TEX9: variants seen among roughly 807,000 people sequenced by gnomAD.
TEX9 encodes testis-expressed protein 9.
TEX9 carries 74 observed loss-of-function variants against 59.6 expected under a neutral mutation model. That is an observed-to-expected ratio of 1.24 (90% confidence interval 1.03 to 1.51). The LOEUF is 1.51. Ranked by LOEUF, TEX9 falls within the 40% of genes most tolerant of loss-of-function variation. The pLI, the probability that TEX9 is intolerant of heterozygous loss-of-function variation, is 0.00. For synonymous variants in TEX9, 186 were observed against 152.2 expected (o/e 1.22, Z -1.64); for missense variants, 522 against 447.8 (o/e 1.17, Z -1.49).
intron 12 of TEX9, among the ~76,000 whole-genome samples, chr15:56,435,206 T>C (rs1382027001): frequency 6.6e-6 from 1 of 151,956 alleles, no homozygotes; most frequent in Non-Finnish European, 1.5e-5. Flanking sequence ...TATATAGCAC[T>C]AAATGCATGT....
chr15:56,359,958 G>T (rs1312000688), intron 1 of TEX9, among the ~76,000 whole-genome samples: 5 of 152,116 alleles, frequency 3.3e-5, no homozygotes, highest in African/African-American at 1.2e-4. Context: ...GTTGGATTTT[G>T]TCAAATGCTT....
chr15:56,415,867 A>G (rs758248582), intron 10 of TEX9, among the ~76,000 whole-genome samples: 8 of 151,788 alleles, frequency 5.3e-5, no homozygotes, highest in South Asian at 2.1e-4. Flanking sequence ...ATCAGTGAGC[A>G]TGGGATGTTT....
downstream of TEX9, among the ~76,000 whole-genome samples, chr15:56,448,751 CTTTTTTTT>C (rs34366643): frequency 3.7e-4 from 43 of 117,662 alleles, no homozygotes; most frequent in African/African-American, 1.2e-3. Context: ...TTTTTAGATT[CTTTTTTTT>C]TTTTTTTTTT....
At chr15:56,373,063 C>T (rs2047262335) in intron 2 of TEX9, among the ~76,000 whole-genome samples, 2 of 152,110 alleles carry the variant, frequency 1.3e-5, no homozygotes, top group South Asian at 4.1e-4. Flanking sequence ...CACATTAGAG[C>T]AGGGCCTGTC....
In TEX9 at chr15:56,435,557, A is replaced by C. The variant is rs561739160; in HGVS notation, c.*29+7084A>C. Among the ~76,000 whole-genome samples the C allele has an allele frequency of 2.6e-5, 4 of 152,144 alleles. No homozygotes were observed. The South Asian group carries it at 8.3e-4, about 32-fold the overall frequency. ...TACTACAAATTATTATACACACATA[A>C]ATTTGGCAACTTAGATGAAATGGAT... On this transcript the variant is annotated intron_variant, in intron 12 of 12. Transcript: ENST00000352903.
chr15:56,458,582 C>G, the TEX9 span, among the ~76,000 whole-genome samples: 4 of 146,866 alleles, frequency 2.7e-5, no homozygotes, highest in Non-Finnish European at 4.5e-5. Flanking sequence ...TTTCACTACC[C>G]TAAAAATCCT....
chr15:56,309,933 T>C (rs1473066504), intron 1 of TEX9, among the ~76,000 whole-genome samples: 1 of 151,800 alleles, frequency 6.6e-6, no homozygotes, highest in Non-Finnish European at 1.5e-5. Context: ...TGGTAGCAGG[T>C]TGGTCCATGT....
intron 1 of TEX9, among the ~76,000 whole-genome samples, chr15:56,246,776 C>G (rs1293586886): frequency 6.6e-6 from 1 of 152,114 alleles, no homozygotes; most frequent in Non-Finnish European, 1.5e-5. Context: ...AAGTGTACAC[C>G]AGAGGAAAAT....
intron 1 of TEX9, among the ~76,000 whole-genome samples, chr15:56,292,780 A>G (rs2045125809): frequency 6.6e-6 from 1 of 152,156 alleles, no homozygotes. Context: ...CTCATACCCA[A>G]TAGCTGACTG....
intron 3 of TEX9, among the ~76,000 whole-genome samples, chr15:56,374,964 G>A (rs1259999289): frequency 6.6e-6 from 1 of 152,144 alleles, no homozygotes; most frequent in Non-Finnish European, 1.5e-5. Flanking sequence ...GGACACTTTG[G>A]TTGCTTCCAG....
At chr15:56,295,359 A>T (rs1313436457) in intron 1 of TEX9, among the ~76,000 whole-genome samples, 1 of 152,224 alleles carries the variant, frequency 6.6e-6, no homozygotes, top group Non-Finnish European at 1.5e-5. Flanking sequence ...TCTGGGTTTT[A>T]AAAAAATAAC....
chr15:56,429,092 TTGA>T (rs1331226319), intron 12 of TEX9: 7 of 1,557,612 alleles, frequency 4.5e-6, no homozygotes, highest in South Asian at 1.2e-5. Flanking sequence ...TTACCCAATT[TTGA>T]TGATATCATT....
chr15:56,409,582 C>T (rs2049248609), intron 9 of TEX9, among the ~76,000 whole-genome samples: 1 of 152,128 alleles, frequency 6.6e-6, no homozygotes, highest in Non-Finnish European at 1.5e-5. Flanking sequence ...CTTACTACAG[C>T]CTTGACCTCC....
At chr15:56,379,393 C>A (rs1391508029) in intron 3 of TEX9, among the ~76,000 whole-genome samples, 1 of 152,088 alleles carries the variant, frequency 6.6e-6, no homozygotes, top group African/African-American at 2.4e-5. Flanking sequence ...AGTTTTATTC[C>A]ATGTGATCAG....
At chr15:56,444,325 A>G in intron 12 of TEX9, 1 of 760,286 alleles carries the variant, frequency 1.3e-6, no homozygotes, top group South Asian at 2.0e-5. Flanking sequence ...CATAGCTAGT[A>G]TTTATTGAGC....
chr15:56,336,845 G>A (rs2046266070), intron 1 of TEX9, among the ~76,000 whole-genome samples: 1 of 152,158 alleles, frequency 6.6e-6, no homozygotes, highest in Non-Finnish European at 1.5e-5. Context: ...GCACCTTGGA[G>A]AGGGGAGTGA....
chr15:56,439,142 A>G (rs1422274214), intron 12 of TEX9, among the ~76,000 whole-genome samples: 1 of 152,200 alleles, frequency 6.6e-6, no homozygotes, highest in East Asian at 1.9e-4. Context: ...AGCAACGAGT[A>G]CACGGACACC....
chr15:56,411,953 G>A (rs1044654167), intron 9 of TEX9, among the ~76,000 whole-genome samples: 1 of 152,070 alleles, frequency 6.6e-6, no homozygotes, highest in Admixed American at 6.6e-5. Flanking sequence ...CTTTTTGGGA[G>A]GTTCCCAAGA....
At chr15:56,344,923 C>T (rs1488254496) in intron 1 of TEX9, among the ~76,000 whole-genome samples, 1 of 151,642 alleles carries the variant, frequency 6.6e-6, no homozygotes, top group African/African-American at 2.4e-5. Flanking sequence ...TAGACCCCAT[C>T]CACAATGACT....
Sources: allele counts gnomAD v4.1 joint callset (sites outside exome capture counted in the v4.1 genomes callset), GRCh38; gene constraint gnomAD v4.1.1; transcripts MANE v1.5; gene names NCBI Gene and HGNC (gene_info 2026-07-23, HGNC 2026-07-21).